The following CALHM4 variants were observed in gnomAD, a reference collection of about 807,000 sequenced individuals.
CALHM4 encodes the protein calcium homeostasis modulator family member 4.
CALHM4 carries 16 observed loss-of-function variants against 13.3 expected under a neutral mutation model. That is an observed-to-expected ratio of 1.20 (90% CI 0.81 to 1.82). CALHM4 has a LOEUF of 1.82. Ranked by LOEUF, CALHM4 falls within the 40% of genes most tolerant of loss-of-function variation. The probability of loss-of-function intolerance (pLI) is 0.00; values close to 1 mark genes in which losing one functional copy is unlikely to be tolerated. For missense variants in CALHM4, 344 were observed against 374.9 expected (o/e 0.92, Z 0.68); for synonymous variants, 127 against 137.1 (o/e 0.93, Z 0.52).
At position 116,558,017 on chromosome 6, in the gene CALHM4, C is replaced by G; in HGVS notation, c.751C>G (p.Leu251Val). ...CCTCATGATGCATCGCATAAAGAAG[C>G]TATTTGGCTTCATTCCCGGGAGTGA... The part of the protein sequence containing the change: ...RLLMMHRIKK[L>V]FGFIPGSEDV... Residue 251 changes from leucine (L) to valine (V), a missense_variant, in exon 2 of 2, where the codon CTA becomes GTA. By Grantham distance (32) the Leu-to-Val change is conservative. Transcript: ENST00000368596. 6.2e-7 allele frequency: 1 copy of G among 1,614,156 alleles called. No homozygotes were observed. The highest frequency in any genetic ancestry group is 1.1e-5 in the South Asian group (1 of 91,088).
At chr6:116,549,836 C>G (rs971793925), upstream of CALHM4, among the ~76,000 whole-genome samples, 8 of 150,844 alleles carry the variant, frequency 5.3e-5, no homozygotes, top group African/African-American at 1.9e-4. Flanking sequence ...TTTAGCTGGG[C>G]ATGGTGGTGC....
upstream of CALHM4, among the ~76,000 whole-genome samples, chr6:116,551,024 G>A (rs1352001220): frequency 6.6e-6 from 1 of 152,168 alleles, no homozygotes; most frequent in African/African-American, 2.4e-5. Flanking sequence ...GTGCCCCAAG[G>A]CCAATCAGAA....
upstream of CALHM4, among the ~76,000 whole-genome samples, chr6:116,553,162 A>G (rs987654384): frequency 2.0e-5 from 3 of 152,270 alleles, no homozygotes; most frequent in African/African-American, 4.8e-5. Flanking sequence ...ATTTTTAAGC[A>G]GCATATAGCA....
chr6:116,552,629 A>G (rs1461718217), upstream of CALHM4, among the ~76,000 whole-genome samples: 2 of 152,184 alleles, frequency 1.3e-5, no homozygotes, highest in African/African-American at 4.8e-5. Context: ...AGTTTATTTG[A>G]GAAGAGAAAA....
intron 1 of CALHM4, among the ~76,000 whole-genome samples, chr6:116,539,985 T>G (rs1389579161): frequency 6.6e-6 from 1 of 152,162 alleles, no homozygotes; most frequent in Non-Finnish European, 1.5e-5. Flanking sequence ...TAAACAATAT[T>G]CTTTGATACT....
rs75052897 is a variant in CALHM4, at chr6:116,560,653, G to C, written c.*2442G>C. On this transcript the variant is annotated 3_prime_UTR_variant, in exon 2 of 2. Coordinates refer to ENST00000368596, the MANE Select transcript of CALHM4 (RefSeq NM_001366078.2). ...ATAAATGGAATTTTTAGTATTTTGGGGGGGGGGGGGGCTATGGTCTATAGC... is the reference window on the plus strand; with the variant it reads ...ATAAATGGAATTTTTAGTATTTTGGCGGGGGGGGGGGCTATGGTCTATAGC... Among the ~76,000 whole-genome samples, 60 of 14,718 alleles carry C rather than the reference G, an allele frequency of 4.1e-3. No individual in the cohort carries two copies. The highest frequency in any genetic ancestry group is 8.7e-3 in the Non-Finnish European group (46 of 5,274). 9.7% of individuals were successfully genotyped at this position (14,718 alleles called of 152,430 possible). A position where few individuals can be genotyped will look rare whatever the true frequency, so the allele number is the denominator to read the frequency against.
chr6:116,541,144 C>G (rs1190398561), intron 1 of CALHM4, among the ~76,000 whole-genome samples: 1 of 151,870 alleles, frequency 6.6e-6, no homozygotes, highest in African/African-American at 2.4e-5. Context: ...TGAAAACCTT[C>G]GATTGAGATG....
rs924531508 is a variant in CALHM4, at chr6:116,557,831, G to T, written c.565G>T (p.Gly189Cys). The T allele has an allele frequency of 3.7e-6, 6 of 1,610,374 alleles. No individual in the cohort carries two copies. In the African/African-American group the frequency reaches 8.0e-5, roughly 22 times the overall value. The change falls in exon 2 of 2, where the codon GGT (glycine) becomes TGT (cysteine). Residue 189 changes from glycine to cysteine, a missense_variant. Coordinates refer to ENST00000368596, the MANE Select transcript of CALHM4 (RefSeq NM_001366078.2). ...LLHRYQSQML[G>C]WILITLATIA... ...TTTTAATAATGATGTGAAGATGCTGGGTTGGATTTTGATCACCTTGGCAAC... is the reference window on the plus strand; with the variant it reads ...TTTTAATAATGATGTGAAGATGCTGTGTTGGATTTTGATCACCTTGGCAAC...
At chr6:116,545,761 G>A (rs1477082051) in intron 2 of CALHM4, among the ~76,000 whole-genome samples, 2 of 152,120 alleles carry the variant, frequency 1.3e-5, no homozygotes, top group Non-Finnish European at 2.9e-5. Context: ...TCATTTGTAA[G>A]GATGAATTGT....
rs1471224890 is a variant in CALHM4 at position 116,554,234 on chromosome 6, T to C, written c.441T>C (p.Asn147=). The C allele has an allele frequency of 6.4e-7, 1 of 1,550,610 alleles. No homozygotes were observed. The highest frequency in any genetic ancestry group is 8.7e-7 in the Non-Finnish European group (1 of 1,146,992). Residue 147 remains asparagine, a synonymous_variant, in exon 1 of 2, where the codon AAT becomes AAC. Coordinates refer to ENST00000368596, the MANE Select transcript of CALHM4 (RefSeq NM_001366078.2). ...TGGACCATTACCCAATGTTTGATAA[T>C]GTCAGTGCCAGCAAACGAGAAGAGA... The part of the protein sequence containing the change: ...ASVDHYPMFD[N]VSASKREEIL...
chr6:116,543,023 C>G (rs1335498929), intron 1 of CALHM4, among the ~76,000 whole-genome samples: 1 of 152,090 alleles, frequency 6.6e-6, no homozygotes, highest in East Asian at 1.9e-4. Flanking sequence ...TTTACCACAT[C>G]TTTTGCTTAT....
chr6:116,535,706 G>C (rs1168045903), intron 1 of CALHM4, among the ~76,000 whole-genome samples: 1 of 152,100 alleles, frequency 6.6e-6, no homozygotes, highest in African/African-American at 2.4e-5. Flanking sequence ...ATCAGCTATG[G>C]TAATTCTACT....
chr6:116,553,785 C>T lies in CALHM4; in HGVS notation c.-9C>T, dbSNP rs748261480. 76 of 1,545,568 alleles carry T rather than the reference C, an allele frequency of 4.9e-5. No individual in the cohort carries two copies. In the South Asian group the frequency reaches 8.2e-4, roughly 17 times the overall value. ...GGCCACAAGCTGATTTGTGTAACAG[C>T]TTCCCAAGATGTGCCCAACTCTCAA... On this transcript the variant is annotated 5_prime_UTR_variant, in exon 1 of 2. Coordinates refer to ENST00000368596, the MANE Select transcript of CALHM4 (RefSeq NM_001366078.2).
At chr6:116,533,701 T>C (rs1314859449) in intron 1 of CALHM4, among the ~76,000 whole-genome samples, 1 of 152,156 alleles carries the variant, frequency 6.6e-6, no homozygotes, top group Non-Finnish European at 1.5e-5. Context: ...TGCAGACATT[T>C]CTCCTTGGCC....
chr6:116,553,459 C>T (rs754799026), upstream of CALHM4, among the ~76,000 whole-genome samples: 1 of 152,154 alleles, frequency 6.6e-6, no homozygotes, highest in Non-Finnish European at 1.5e-5. Context: ...TGCTGGTGCT[C>T]AGCATTTTGT....
chr6:116,543,512 T>G (rs1773588440), intron 1 of CALHM4: 5 of 894,778 alleles, frequency 5.6e-6, no homozygotes, highest in Non-Finnish European at 8.4e-6. Context: ...ACCTGTACAT[T>G]TTTTCCTTCC....
intron 2 of CALHM4, among the ~76,000 whole-genome samples, chr6:116,548,597 A>G (rs558870044): frequency 1.3e-5 from 2 of 152,342 alleles, no homozygotes; most frequent in African/African-American, 4.8e-5. Flanking sequence ...CCCTGAAAGA[A>G]TGGTCTACAA....
rs1473128549 is a variant in CALHM4 at position 116,558,368 on chromosome 6, T to C, written c.*157T>C. 1.1e-6 allele frequency: 1 copy of C among 903,930 alleles called. No individual in the cohort carries two copies. The highest frequency in any genetic ancestry group is 1.6e-6 in the Non-Finnish European group (1 of 635,930). The allele number at this position is 903,930 out of a possible 1,614,324, so 56.0% of individuals were successfully genotyped here. The stretch of plus-strand genomic sequence containing the variant: ...AAATATTATTTCTAAAATCAATCTA[T>C]TAGATAATTGTGCCAATCTCTCATT... On this transcript the variant is annotated 3_prime_UTR_variant, in exon 2 of 2. Transcript: ENST00000368596.
intron 1 of CALHM4, among the ~76,000 whole-genome samples, chr6:116,556,939 CTTTTT>C (rs35964763): frequency 8.4e-6 from 1 of 119,486 alleles, no homozygotes; most frequent in Non-Finnish European, 1.7e-5. Context: ...TATTTTTAAT[CTTTTT>C]TTTTTTTTTT....
Sources: allele counts gnomAD v4.1 joint callset (sites outside exome capture counted in the v4.1 genomes callset), GRCh38; gene constraint gnomAD v4.1.1; transcripts MANE v1.5; gene names NCBI Gene and HGNC (gene_info 2026-07-23, HGNC 2026-07-21).